Variants in NR2C2 observed in about 807,000 individuals in gnomAD.
NR2C2 encodes Nuclear hormone receptor TR4.
NR2C2 carries 6 observed loss-of-function variants against 62.9 expected under a neutral mutation model. The ratio of observed to expected loss-of-function variants is 0.10; its 90% confidence interval spans 0.05 to 0.19. NR2C2 has a LOEUF of 0.19. Among genes scored for constraint, NR2C2 ranks in the 10% least tolerant of loss-of-function variants. The pLI is 1.00. For synonymous variants in NR2C2, 272 were observed against 273.8 expected (o/e 0.99, Z 0.07); for missense variants, 479 against 762.7 (o/e 0.63, Z 4.38).
intron 1 of NR2C2, among the ~76,000 whole-genome samples, chr3:14,949,104 G>T (rs1181948118): frequency 2.0e-5 from 3 of 152,226 alleles, no homozygotes; most frequent in African/African-American, 7.2e-5. Flanking sequence ...AATACATGTT[G>T]ACTTAGTTTT....
At chr3:15,007,845 A>G (rs1485255478) in intron 2 of NR2C2, among the ~76,000 whole-genome samples, 2 of 152,234 alleles carry the variant, frequency 1.3e-5, no homozygotes, top group Non-Finnish European at 1.5e-5. Context: ...TTTCACACAC[A>G]TCGTATCATT....
intron 2 of NR2C2, 144 bp from the exon 3 acceptor site, chr3:15,013,445 A>G (rs1369855009): frequency 1.5e-6 from 1 of 666,708 alleles, no homozygotes; most frequent in Non-Finnish European, 2.6e-6. Flanking sequence ...TATTTTTCTC[A>G]GTTCACCGTG....
intron 1 of NR2C2, among the ~76,000 whole-genome samples, chr3:14,972,801 G>A (rs1332556400): frequency 1.3e-5 from 2 of 152,148 alleles, no homozygotes; most frequent in Non-Finnish European, 1.5e-5. Flanking sequence ...GCAGGAGCAG[G>A]TGTCTTACAT....
At chr3:14,983,329 T>C (rs1477005458) in intron 1 of NR2C2, among the ~76,000 whole-genome samples, 2 of 152,182 alleles carry the variant, frequency 1.3e-5, no homozygotes, top group Non-Finnish European at 2.9e-5. Context: ...TTTTTTTTTA[T>C]GATCTGAGAT....
intron 4 of NR2C2, among the ~76,000 whole-genome samples, chr3:15,017,823 T>C (rs11128731): frequency 0.076 from 11,646 of 152,314 alleles, 589 homozygotes; most frequent in African/African-American, 0.13. Flanking sequence ...GGATTCTCTG[T>C]AGCCACCATA....
At chr3:14,966,992 G>A (rs1036275921) in intron 1 of NR2C2, among the ~76,000 whole-genome samples, 3 of 152,100 alleles carry the variant, frequency 2.0e-5, no homozygotes, top group African/African-American at 7.2e-5. Flanking sequence ...TCTGGGCCTG[G>A]CCTTTTCTTT....
chr3:14,948,477 G>C (rs2039215369), intron 1 of NR2C2: 1 of 152,076 alleles, frequency 6.6e-6, no homozygotes, highest in Admixed American at 6.6e-5. Context: ...CTGTGGCACC[G>C]CCCCCCTAAG....
intron 2 of NR2C2, among the ~76,000 whole-genome samples, chr3:15,007,107 C>G (rs1355158909): frequency 6.7e-6 from 1 of 148,470 alleles, no homozygotes; most frequent in African/African-American, 2.5e-5. Flanking sequence ...CACCTTGTCA[C>G]AGAGGTTTTC....
intron 10 of NR2C2, chr3:15,034,444 TG>T (rs1249847811): frequency 2.1e-6 from 1 of 468,042 alleles, no homozygotes; most frequent in Admixed American, 3.8e-5. Flanking sequence ...ATTTAAAGAA[TG>T]TTTTTTAAGA....
chr3:15,040,330 T>C (rs2125094375), intron 13 of NR2C2, among the ~76,000 whole-genome samples: 1 of 152,326 alleles, frequency 6.6e-6, no homozygotes, highest in East Asian at 1.9e-4. Context: ...TACATGAATT[T>C]CTGAGACCCT....
rs199953589 is a variant in NR2C2 at position 15,013,738 on chromosome 3, C to T, written c.222C>T (p.Ala74=). 9.1e-5 allele frequency: 147 copies of T among 1,614,098 alleles called. No homozygotes were observed. Among genetic ancestry groups the T allele is most frequent in the Admixed American group, 4.7e-4 (28 of 60,012 alleles). ...TGGCTTCCCCAGAGACATCCAGCGC[C>T]AAGCAACTCATATTCACCACCTCAG... ...VILASPETSS[A]KQLIFTTSDN... is the part of the protein sequence containing the mutation. The change falls in exon 3 of 14, where the codon GCC becomes GCT. Residue 74 remains alanine (A), a synonymous_variant. Transcript: ENST00000425241.
chr3:14,984,895 G>A (rs1295703574), intron 1 of NR2C2, among the ~76,000 whole-genome samples: 3 of 151,812 alleles, frequency 2.0e-5, no homozygotes, highest in Admixed American at 2.0e-4. Flanking sequence ...TCATATTCCT[G>A]CTTGCAGTGC....
intron 1 of NR2C2, among the ~76,000 whole-genome samples, chr3:15,003,100 C>G (rs913788048): frequency 2.0e-5 from 3 of 149,958 alleles, no homozygotes; most frequent in African/African-American, 7.3e-5. Flanking sequence ...TGCGCACCAT[C>G]GTGCCTGGCT....
rs945913344 is a variant in NR2C2 at position 15,020,697 on chromosome 3, T to C, written c.377-56T>C. ...CACAGGAACTGACAGATCACCTCTT[T>C]GGTGAATCCACAAATATAGTCACAA... On this transcript the variant is annotated intron_variant, in intron 4 of 13. Coordinates refer to ENST00000425241, the MANE Select transcript of NR2C2 (RefSeq NM_001291694.2). 3 of 1,582,506 alleles carry C rather than the reference T, an allele frequency of 1.9e-6. No individual in the cohort carries two copies. In the African/African-American group the frequency reaches 4.0e-5, roughly 21 times the overall value.
intron 7 of NR2C2, chr3:15,026,600 C>T (rs1243480032): frequency 2.6e-5 from 4 of 152,140 alleles, no homozygotes; most frequent in Non-Finnish European, 4.4e-5. Flanking sequence ...AATATATGGT[C>T]TTTTGTGGCT....
rs145394144 is a variant in NR2C2, at chr3:14,987,329, C to T, written c.-39-16547C>T. ...AACTCCGGGGCGTAAGCAATCCTTC[C>T]GCCTTGGCCTCGCAGAGTGCTGGGA... is the stretch of plus-strand genomic sequence containing the variant. On this transcript the variant is annotated intron_variant, in intron 1 of 13. Coordinates refer to ENST00000425241, the MANE Select transcript of NR2C2 (RefSeq NM_001291694.2). Among the ~76,000 whole-genome samples the T allele has an allele frequency of 7.1e-4, 108 of 152,238 alleles. 1 individual carries two copies. Among genetic ancestry groups the T allele is most frequent in the African/African-American group, 2.4e-3 (100 of 41,550 alleles).
rs2041422600 is a variant in NR2C2, at chr3:15,013,774, C to T, written c.258C>T (p.Val86=). ...TATTCACCACCTCAGACAACCTCGT[C>T]CCTGGCAGGATCCAGGTAAGGCCTT... The part of the protein sequence containing the change: ...QLIFTTSDNL[V]PGRIQIVTDS... The change falls in exon 3 of 14, where the codon GTC becomes GTT. Residue 86 remains valine (V), a synonymous_variant. Transcript: ENST00000425241. 12 of 1,614,186 alleles carry T rather than the reference C, an allele frequency of 7.4e-6. No homozygotes were observed. Among genetic ancestry groups the T allele is most frequent in the Non-Finnish European group, 1.0e-5 (12 of 1,180,016 alleles).
In NR2C2 at chr3:15,024,166, G is replaced by C; in HGVS notation, c.756G>C (p.Leu252Phe). Reference sequence around the variant, plus strand: ...TGCTTGTGAACATCCAGCAGCCTTTGATACGTGAGGATGGTACAGTTCTCC... The same window carrying C: ...TGCTTGTGAACATCCAGCAGCCTTTCATACGTGAGGATGGTACAGTTCTCC... ...PGMLVNIQQP[L>F]IREDGTVLLA... The change falls in exon 7 of 14, where the codon TTG becomes TTC. Residue 252 changes from leucine to phenylalanine, a missense_variant. By Grantham distance (22) the Leu-to-Phe change is conservative. Transcript: ENST00000425241. 1 of 1,612,860 alleles carries C rather than the reference G, an allele frequency of 6.2e-7. No homozygotes were observed. The highest frequency in any genetic ancestry group is 8.5e-7 in the Non-Finnish European group (1 of 1,179,440).
rs1194342780 is a variant in NR2C2 at position 15,046,215 on chromosome 3, A to G, written c.*3207A>G. 6.6e-6 allele frequency: 1 copy of G among 152,146 alleles called. No homozygotes were observed. Among genetic ancestry groups the G allele is most frequent in the Non-Finnish European group, 1.5e-5 (1 of 68,030 alleles). The allele number at this position is 152,146 out of a possible 1,614,324, so 9.4% of individuals were successfully genotyped here. A position where few individuals can be genotyped will look rare whatever the true frequency, so the allele number is the denominator to read the frequency against. On this transcript the variant is annotated 3_prime_UTR_variant, in exon 14 of 14. Coordinates refer to ENST00000425241, the MANE Select transcript of NR2C2 (RefSeq NM_001291694.2). The stretch of plus-strand genomic sequence containing the variant: ...AGGTTCTTTTGCTGTTCTGGGCTTT[A>G]TATTTAATTTCAGGTGTAGTCACTT...
Sources: gnomAD v4.1 joint callset for allele counts (sites outside exome capture counted in the v4.1 genomes callset) on GRCh38, gnomAD v4.1.1 for gene constraint, MANE v1.5 for transcripts, NCBI Gene and HGNC (gene_info 2026-07-23, HGNC 2026-07-21) for gene names.